The following GNAQ variants were observed in gnomAD, a reference collection of about 807,000 sequenced individuals.
The protein encoded by GNAQ is guanine nucleotide-binding protein G(q) subunit alpha.
A neutral mutation model predicts 43.9 loss-of-function variants in GNAQ; 8 were observed. That is an observed-to-expected ratio of 0.18 (90% CI 0.11 to 0.33). The LOEUF is 0.33. GNAQ is among the 10% of genes least tolerant of loss of function. The probability of loss-of-function intolerance (pLI) is 1.00; values close to 1 mark genes in which losing one functional copy is unlikely to be tolerated. For synonymous variants in GNAQ, 155 were observed against 170.7 expected, an observed-to-expected ratio of 0.91 and a Z score of 0.71; for missense variants, 158 against 450.8, an observed-to-expected ratio of 0.35 and a Z score of 5.88.
At chr9:77,961,254 C>T (rs1823103760) in intron 1 of GNAQ, among the ~76,000 whole-genome samples, 1 of 152,034 alleles carries the variant, frequency 6.6e-6, no homozygotes, top group Non-Finnish European at 1.5e-5. Flanking sequence ...AAGGTAAATC[C>T]TAGGACTGCC....
chr9:77,974,982 T>C (rs1200688805), intron 1 of GNAQ, among the ~76,000 whole-genome samples: 1 of 152,210 alleles, frequency 6.6e-6, no homozygotes, highest in Non-Finnish European at 1.5e-5. Context: ...AAGTCTTAGT[T>C]TGGTATCAGC....
At chr9:77,900,588 T>C (rs1273565535) in intron 2 of GNAQ, among the ~76,000 whole-genome samples, 2 of 152,160 alleles carry the variant, frequency 1.3e-5, no homozygotes, top group Non-Finnish European at 2.9e-5. Flanking sequence ...AGATGGGGCC[T>C]CGCTATGTTG....
At chr9:77,794,047 G>T (rs1826619196) in intron 5 of GNAQ, among the ~76,000 whole-genome samples, 1 of 152,010 alleles carries the variant, frequency 6.6e-6, no homozygotes, top group Admixed American at 6.6e-5. Flanking sequence ...TGCCAAGAGA[G>T]ATTTTGAGTA....
intron 1 of GNAQ, among the ~76,000 whole-genome samples, chr9:78,008,569 TATTTCATTTCATTTCATTTC>T (rs201289708): frequency 0.024 from 3,480 of 146,964 alleles, 54 homozygotes; most frequent in Middle Eastern, 0.056. Flanking sequence ...ACTATCGATT[TATTTCATTTCATTTCATTTC>T]ATTTCATTTC....
intron 1 of GNAQ, among the ~76,000 whole-genome samples, chr9:77,959,786 T>C (rs983501496): frequency 6.6e-6 from 1 of 152,178 alleles, no homozygotes; most frequent in African/African-American, 2.4e-5. Flanking sequence ...AAACGACTGC[T>C]ACAAATCTAT....
At chr9:77,752,886 G>T (rs1825833555) in intron 5 of GNAQ, among the ~76,000 whole-genome samples, 1 of 152,002 alleles carries the variant, frequency 6.6e-6, no homozygotes, top group Admixed American at 6.6e-5. Context: ...GGAGATTGAG[G>T]CCATGCTGGC....
At chr9:78,014,192 G>A (rs1823808752) in intron 1 of GNAQ, among the ~76,000 whole-genome samples, 1 of 152,150 alleles carries the variant, frequency 6.6e-6, no homozygotes, top group African/African-American at 2.4e-5. Context: ...AATAGGGGTA[G>A]CTGCAAGAAA....
At position 77,815,759 on chromosome 9, in the gene GNAQ, T is replaced by C. The variant is rs1424137184; in HGVS notation, c.333A>G (p.Gln111=). 14 of 1,611,436 alleles carry C rather than the reference T, an allele frequency of 8.7e-6. No homozygotes were observed. Among genetic ancestry groups the C allele is most frequent in the Non-Finnish European group, 1.1e-5 (13 of 1,178,282 alleles). The part of the protein sequence containing the change: ...YKYEHNKAHA[Q]LVREVDVEKV... ...TCTCCACATCAACTTCTCGAACTAA[T>C]TGTGCATGAGCCTGTTTAAATAAAA... Residue 111 remains glutamine, a synonymous_variant, in exon 3 of 7, where the codon CAA becomes CAG. Transcript: ENST00000286548.
At chr9:77,929,826 T>TCA (rs1564154845) in intron 1 of GNAQ, among the ~76,000 whole-genome samples, 1 of 152,144 alleles carries the variant, frequency 6.6e-6, no homozygotes, top group African/African-American at 2.4e-5. Flanking sequence ...CAAGACCCTG[T>TCA]CACACACACA....
intron 1 of GNAQ, among the ~76,000 whole-genome samples, chr9:77,932,281 T>C (rs937122847): frequency 1.3e-5 from 2 of 152,224 alleles, no homozygotes; most frequent in Non-Finnish European, 2.9e-5. Context: ...CTTAATTTTA[T>C]TGGATATAGA....
chr9:77,883,946 G>A (rs1449283189), intron 2 of GNAQ, among the ~76,000 whole-genome samples: 1 of 152,170 alleles, frequency 6.6e-6, no homozygotes, highest in African/African-American at 2.4e-5. Context: ...CAAGATTTTG[G>A]TATTTCAGAA....
intron 2 of GNAQ, among the ~76,000 whole-genome samples, chr9:77,872,007 T>G (rs1252727275): frequency 6.6e-6 from 1 of 152,240 alleles, no homozygotes; most frequent in South Asian, 2.1e-4. Context: ...CCAGGGCTAA[T>G]AAGATACATG....
intron 1 of GNAQ, among the ~76,000 whole-genome samples, chr9:77,928,727 G>A (rs538847591): frequency 1.3e-5 from 2 of 152,226 alleles, no homozygotes; most frequent in East Asian, 3.9e-4. Flanking sequence ...ACTTTAAAAT[G>A]GTAAATTTTA....
At chr9:77,978,446 G>A (rs1237365200) in intron 1 of GNAQ, among the ~76,000 whole-genome samples, 1 of 152,142 alleles carries the variant, frequency 6.6e-6, no homozygotes, top group African/African-American at 2.4e-5. Context: ...CTCTTTTCCT[G>A]CCTTCTAGCC....
At chr9:77,825,199 T>G (rs1240510999) in intron 2 of GNAQ, among the ~76,000 whole-genome samples, 1 of 152,196 alleles carries the variant, frequency 6.6e-6, no homozygotes, top group African/African-American at 2.4e-5. Context: ...AAACATGCAT[T>G]TTCAAGTTTC....
chr9:77,959,757 T>C (rs1196281187), intron 1 of GNAQ, among the ~76,000 whole-genome samples: 2 of 152,088 alleles, frequency 1.3e-5, no homozygotes, highest in Non-Finnish European at 2.9e-5. Flanking sequence ...ATAAAAAAAA[T>C]CAGAAGAGTC....
chr9:77,892,486 C>G (rs1159178636), intron 2 of GNAQ, among the ~76,000 whole-genome samples: 1 of 152,170 alleles, frequency 6.6e-6, no homozygotes, highest in East Asian at 1.9e-4. Flanking sequence ...GGTCAATGCC[C>G]ACTTTCATGG....
chr9:77,904,317 C>CCTTTTTTT (rs1244010736), intron 2 of GNAQ, among the ~76,000 whole-genome samples: 20 of 77,430 alleles, frequency 2.6e-4, no homozygotes, highest in African/African-American at 1.1e-3. Context: ...TTCACACCGG[C>CCTTTTTTT]TTTTTTTTTT....
intron 2 of GNAQ, among the ~76,000 whole-genome samples, chr9:77,921,823 C>A (rs1829000722): frequency 6.6e-6 from 1 of 152,082 alleles, no homozygotes; most frequent in South Asian, 2.1e-4. Flanking sequence ...CCTATTTTGG[C>A]CAATTTATGA....
Sources: gnomAD v4.1 joint callset for allele counts (sites outside exome capture counted in the v4.1 genomes callset) on GRCh38, gnomAD v4.1.1 for gene constraint, MANE v1.5 for transcripts, NCBI Gene and HGNC (gene_info 2026-07-23, HGNC 2026-07-21) for gene names.